ASB18: variants seen among roughly 807,000 people sequenced by gnomAD.
ASB18 encodes ankyrin repeat and SOCS box protein 18.
ASB18 carries 33 observed loss-of-function variants against 33.4 expected under a neutral mutation model. That is an observed-to-expected ratio of 0.99 (90% CI 0.75 to 1.32). ASB18 has a LOEUF of 1.32. Ranked by LOEUF, ASB18 falls within the 40% of genes most tolerant of loss-of-function variation. The probability of loss-of-function intolerance (pLI) is 0.00; values close to 1 mark genes in which losing one functional copy is unlikely to be tolerated. For missense variants in ASB18, 694 were observed against 655.5 expected (o/e 1.06, Z -0.64); for synonymous variants, 295 against 307.6 (o/e 0.96, Z 0.43).
rs1361205491 is a variant in ASB18 at position 236,220,398 on chromosome 2, C to T, written c.597-5532G>A. 6.6e-6 allele frequency among the ~76,000 whole-genome samples: 1 copy of T among 152,194 alleles called. No individual in the cohort carries two copies. Among genetic ancestry groups the T allele is most frequent in the Non-Finnish European group, 1.5e-5 (1 of 68,042 alleles). On this transcript the variant is annotated intron_variant, in intron 3 of 5. Transcript: ENST00000409749. The surrounding 1 kb of genome is among the most constrained non-coding windows in gnomAD (Gnocchi z 5.1). ...CTCCATGCTCCCTGCATGCTCTGCC[C>T]AGATACCTCTTCTCTCAGCCAGAGC... is the stretch of plus-strand genomic sequence containing the variant.
Position 236,226,796 on chromosome 2 carries a change from GGGCCCAA to G in ASB18, c.596+10886_596+10892del, listed in dbSNP as rs2060542095. On this transcript the variant is annotated intron_variant, in intron 3 of 5. Transcript: ENST00000409749. The surrounding 1 kb of genome is among the most constrained non-coding windows in gnomAD (Gnocchi z 4.8). ...ATCCTTTAAAGTGGGAGAGGAGTTG[GGGCCCAA>G]GGTATGAAGCAGACTTGATTTTTAA... is the stretch of plus-strand genomic sequence containing the variant. 6.6e-6 allele frequency among the ~76,000 whole-genome samples: 1 copy of G among 152,170 alleles called. No homozygotes were observed. Among genetic ancestry groups the G allele is most frequent in the African/African-American group, 2.4e-5 (1 of 41,432 alleles).
chr2:236,218,318 AAAC>A (rs142760981), intron 3 of ASB18, among the ~76,000 whole-genome samples: 4,965 of 152,168 alleles, frequency 0.033, 191 homozygotes, highest in African/African-American at 0.096. Context: ...CATGGGAAAG[AAAC>A]AACAAATTGA....
rs915950503 is a variant in ASB18 at position 236,212,639 on chromosome 2, T to C, written c.1101+1723A>G. On this transcript the variant is annotated intron_variant, in intron 4 of 5. Transcript: ENST00000409749. ...TTTGTTTTCTCTTTTCATTCCTTTT[T>C]TTGGAGACAGGGTCTTGCTCTATCA... is the stretch of plus-strand genomic sequence containing the variant. Among the ~76,000 whole-genome samples the C allele has an allele frequency of 2.2e-4, 33 of 152,208 alleles. 1 individual carries two copies. Among genetic ancestry groups the C allele is most frequent in the Non-Finnish European group, 5.9e-5 (4 of 68,046 alleles).
rs1294309330 is a variant in ASB18 at position 236,217,805 on chromosome 2, G to A, written c.597-2939C>T. Among the ~76,000 whole-genome samples the A allele has an allele frequency of 6.6e-6, 1 of 152,200 alleles. No homozygotes were observed. The highest frequency in any genetic ancestry group is 1.9e-4 in the East Asian group (1 of 5,196). The stretch of plus-strand genomic sequence containing the variant: ...TCTTTACAAACAAGTACAGTTTGAT[G>A]TGGAGTCCTTTGGGACCAGGACTGG... On this transcript the variant is annotated intron_variant, in intron 3 of 5. Coordinates refer to ENST00000409749, the MANE Select transcript of ASB18 (RefSeq NM_212556.4). The surrounding 1 kb of genome is among the most constrained non-coding windows in gnomAD (Gnocchi z 5.2).
rs570593765 is a variant in ASB18 at position 236,256,346 on chromosome 2, C to T, written c.205+7795G>A. On this transcript the variant is annotated intron_variant, in intron 1 of 5. Coordinates refer to ENST00000409749, the MANE Select transcript of ASB18 (RefSeq NM_212556.4). This position sits in a 1 kb window ranked among gnomAD's most constrained non-coding sequence, Gnocchi z 4.7. Reference sequence around the variant, plus strand: ...CCGGCCCATAAGTATTTATTAGGTACCTAGTATGTGCAGGATGTGGCAAAT... The same window carrying T: ...CCGGCCCATAAGTATTTATTAGGTATCTAGTATGTGCAGGATGTGGCAAAT... Among the ~76,000 whole-genome samples the T allele has an allele frequency of 6.6e-6, 1 of 152,046 alleles. No individual in the cohort carries two copies. Among genetic ancestry groups the T allele is most frequent in the African/African-American group, 2.4e-5 (1 of 41,394 alleles).
chr2:236,241,865 G>A lies in ASB18; in HGVS notation c.206-463C>T, dbSNP rs114864839. Reference sequence around the variant, plus strand: ...GACTCATTTATCCTGCTGTTGGGCAGATGATTCCCCAGTCTTAAATAGCAT... The same window carrying A: ...GACTCATTTATCCTGCTGTTGGGCAAATGATTCCCCAGTCTTAAATAGCAT... On this transcript the variant is annotated intron_variant, in intron 1 of 5. Transcript: ENST00000409749. The surrounding 1 kb of genome is among the most constrained non-coding windows in gnomAD (Gnocchi z 4.2). Among the ~76,000 whole-genome samples the A allele has an allele frequency of 2.5e-3, 380 of 152,326 alleles. 2 individuals carry two copies. Among genetic ancestry groups the A allele is most frequent in the African/African-American group, 8.7e-3 (360 of 41,568 alleles).
rs1363342067 is a variant in ASB18, at chr2:236,205,531, A to G, written c.1101+8831T>C. On this transcript the variant is annotated intron_variant, in intron 4 of 5. Transcript: ENST00000409749. The surrounding 1 kb of genome is among the most constrained non-coding windows in gnomAD (Gnocchi z 5.4). ...TTTTTTGGTCTGTTGATCATGCTCA[A>G]TATTTAATGCCTGTCTTCCCCATTA... is the stretch of plus-strand genomic sequence containing the variant. Among the ~76,000 whole-genome samples the G allele has an allele frequency of 6.6e-5, 10 of 152,354 alleles. No homozygotes were observed. Among genetic ancestry groups the G allele is most frequent in the Admixed American group, 5.9e-4 (9 of 15,302 alleles).
rs2060514183 is a variant in ASB18, at chr2:236,221,811, T to C, written c.597-6945A>G. Among the ~76,000 whole-genome samples, 1 of 152,106 alleles carries C rather than the reference T, an allele frequency of 6.6e-6. No individual in the cohort carries two copies. The highest frequency in any genetic ancestry group is 1.5e-5 in the Non-Finnish European group (1 of 68,022). On this transcript the variant is annotated intron_variant, in intron 3 of 5. Coordinates refer to ENST00000409749, the MANE Select transcript of ASB18 (RefSeq NM_212556.4). The surrounding 1 kb of genome is among the most constrained non-coding windows in gnomAD (Gnocchi z 5.6). ...AGAAGGGGTTGAGCACTACACAGTG[T>C]GTTCAGTGGGGGTAATGGGTGTTAT...
rs1248659785 is a variant in ASB18 at position 236,214,736 on chromosome 2, C to T, written c.727G>A (p.Ala243Thr). ...CGGCCGTTCCTCGCGTCCACGTGCG[C>T]CCCGCGGCCCAGGTACAGGCGCGCG... ...EHARLYLGRG[A>T]HVDARNGRGE... Residue 243 changes from alanine to threonine, a missense_variant, in exon 4 of 6, where the codon GCG becomes ACG. Coordinates refer to ENST00000409749, the MANE Select transcript of ASB18 (RefSeq NM_212556.4). This position sits in a 1 kb window ranked among gnomAD's most constrained non-coding sequence, Gnocchi z 6.5. 3 of 1,165,082 alleles carry T rather than the reference C, an allele frequency of 2.6e-6. No individual in the cohort carries two copies. Among genetic ancestry groups the T allele is most frequent in the East Asian group, 4.1e-5 (1 of 24,458 alleles). 72.2% of individuals were successfully genotyped at this position (1,165,082 alleles called of 1,614,324 possible).
rs1027787002 is a variant in ASB18, at chr2:236,238,741, G to A, written c.329-785C>T. Among the ~76,000 whole-genome samples the A allele has an allele frequency of 6.6e-6, 1 of 152,096 alleles. No homozygotes were observed. Among genetic ancestry groups the A allele is most frequent in the South Asian group, 2.1e-4 (1 of 4,824 alleles). ...TGGAAGGTTGTTAGCGGCCAGGAGC[G>A]CTCGTGGAAATGGGGGATGTAGTCC... On this transcript the variant is annotated intron_variant, in intron 2 of 5. Transcript: ENST00000409749. This position sits in a 1 kb window ranked among gnomAD's most constrained non-coding sequence, Gnocchi z 5.2.
rs1351777250 is a variant in ASB18, at chr2:236,237,658, G to A, written c.596+31C>T. ...CGGGCGTCTGGTCTCGGGGCGGGGC[G>A]GACGCCGCGGGCCTGTCCCGAGGTC... On this transcript the variant is annotated intron_variant, in intron 3 of 5. Transcript: ENST00000409749. The surrounding 1 kb of genome is among the most constrained non-coding windows in gnomAD (Gnocchi z 6.2). 1.5e-6 allele frequency: 2 copies of A among 1,368,280 alleles called. No homozygotes were observed. Among genetic ancestry groups the A allele is most frequent in the African/African-American group, 1.5e-5 (1 of 65,234 alleles). 84.8% of individuals were successfully genotyped at this position (1,368,280 alleles called of 1,614,324 possible).
rs924804408 is a variant in ASB18 at position 236,262,968 on chromosome 2, C to G, written c.205+1173G>C. ...CAAGCTCCATTCCCTAGCAGCAACT[C>G]CCACTCATGTCCCATCTGTGTTCCT... On this transcript the variant is annotated intron_variant, in intron 1 of 5. Transcript: ENST00000409749. This position sits in a 1 kb window ranked among gnomAD's most constrained non-coding sequence, Gnocchi z 5.2. 2.6e-5 allele frequency among the ~76,000 whole-genome samples: 4 copies of G among 152,340 alleles called. No individual in the cohort carries two copies. In the East Asian group the frequency reaches 5.8e-4, roughly 22 times the overall value.
chr2:236,194,388 A>G lies in ASB18; in HGVS notation c.*484T>C, dbSNP rs1448633314. Among the ~76,000 whole-genome samples, 1 of 152,122 alleles carries G rather than the reference A, an allele frequency of 6.6e-6. No individual in the cohort carries two copies. Among genetic ancestry groups the G allele is most frequent in the Non-Finnish European group, 1.5e-5 (1 of 68,026 alleles). On this transcript the variant is annotated 3_prime_UTR_variant, in exon 6 of 6. Coordinates refer to ENST00000409749, the MANE Select transcript of ASB18 (RefSeq NM_212556.4). This position sits in a 1 kb window ranked among gnomAD's most constrained non-coding sequence, Gnocchi z 4.5. ...GTATGTGTAGCTTGCCTTTATTTCA[A>G]TCTTTACTATTAGAATTGTATTGGT...
In ASB18 at chr2:236,252,267, TCACACACACACACA is replaced by T. The variant is rs113672805; in HGVS notation, c.206-10879_206-10866del. On this transcript the variant is annotated intron_variant, in intron 1 of 5. Transcript: ENST00000409749. This position sits in a 1 kb window ranked among gnomAD's most constrained non-coding sequence, Gnocchi z 7.9. ...GCCTTGGCAACAGAGTGAGACTCCG[TCACACACACACACA>T]CACACACACACACACACACACACAC... Among the ~76,000 whole-genome samples the T allele has an allele frequency of 3.5e-3, 487 of 138,670 alleles. 4 individuals carry two copies. The highest frequency in any genetic ancestry group is 0.011 in the African/African-American group (444 of 38,878). 91.0% of individuals were successfully genotyped at this position (138,670 alleles called of 152,430 possible). A position where few individuals can be genotyped will look rare whatever the true frequency, so the allele number is the denominator to read the frequency against.
At position 236,241,287 on chromosome 2, in the gene ASB18, T is replaced by G. The variant is rs760925285; in HGVS notation, c.321A>C (p.Gly107=). 1.9e-6 allele frequency: 3 copies of G among 1,613,780 alleles called. No individual in the cohort carries two copies. Among genetic ancestry groups the G allele is most frequent in the Non-Finnish European group, 2.5e-6 (3 of 1,179,804 alleles). The change falls in exon 2 of 6, where the codon GGA becomes GGC. Residue 107 remains glycine, a synonymous_variant. Transcript: ENST00000409749. This position sits in a 1 kb window ranked among gnomAD's most constrained non-coding sequence, Gnocchi z 4.2. The part of the protein sequence containing the change: ...EWQVKSPATF[G]LSGLWTLEYK... ...TTTAAAGAACAAGGGTACCTGATAG[T>G]CCAAACGTGGCTGGAGATTTCACCT...
intron 3 of ASB18, among the ~76,000 whole-genome samples, chr2:236,227,032 A>G (rs938444788): frequency 2.0e-5 from 3 of 152,194 alleles, no homozygotes; most frequent in African/African-American, 7.2e-5. Flanking sequence ...CATGTTTCCC[A>G]CAAATGTTCA....
rs543588465 is a variant in ASB18, at chr2:236,216,871, C to T, written c.597-2005G>A. Among the ~76,000 whole-genome samples, 44 of 152,290 alleles carry T rather than the reference C, an allele frequency of 2.9e-4. No homozygotes were observed. Among genetic ancestry groups the T allele is most frequent in the African/African-American group, 1.0e-3 (42 of 41,568 alleles). On this transcript the variant is annotated intron_variant, in intron 3 of 5. Transcript: ENST00000409749. This position sits in a 1 kb window ranked among gnomAD's most constrained non-coding sequence, Gnocchi z 6.1. ...CTCACCGGGTTCACCTCCTGAGGCG[C>T]CGCCTCTCCATGCTTCAATTCTGCC...
At position 236,196,053 on chromosome 2, in the gene ASB18, T is replaced by C. The variant is rs1257575540; in HGVS notation, c.1215+219A>G. ...GGCCAGCACGGGGCTCTGAGCTCCT[T>C]GAGGCCATGGCACCGCAACTACTAT... On this transcript the variant is annotated intron_variant, in intron 5 of 5. Transcript: ENST00000409749. The surrounding 1 kb of genome is among the most constrained non-coding windows in gnomAD (Gnocchi z 5.6). 8.8e-6 allele frequency: 5 copies of C among 569,558 alleles called. No homozygotes were observed. The highest frequency in any genetic ancestry group is 1.6e-5 in the Non-Finnish European group (5 of 307,794). The allele number at this position is 569,558 out of a possible 1,614,324, so 35.3% of individuals were successfully genotyped here.
chr2:236,227,542 T>C (rs564668206), intron 3 of ASB18, among the ~76,000 whole-genome samples: 1 of 152,206 alleles, frequency 6.6e-6, no homozygotes, highest in Non-Finnish European at 1.5e-5. Flanking sequence ...GAAAAATAAC[T>C]TGTCCAATGT....
Sources: allele counts gnomAD v4.1 joint callset (sites outside exome capture counted in the v4.1 genomes callset), GRCh38; gene constraint gnomAD v4.1.1; non-coding constraint Gnocchi (gnomAD v3.1); transcripts MANE v1.5; gene names NCBI Gene and HGNC (gene_info 2026-07-23, HGNC 2026-07-21).